TDRD3: variants seen among roughly 807,000 people sequenced by gnomAD.
The protein encoded by TDRD3 is tudor domain-containing protein 3.
In TDRD3, 45 loss-of-function variants were observed where a neutral mutation model predicts 86.7. That is an observed-to-expected ratio of 0.52 (90% CI 0.41 to 0.67). TDRD3 has a LOEUF of 0.67. Among genes scored for constraint, TDRD3 ranks in the 30% least tolerant of loss-of-function variants. The pLI is 0.00. For missense variants in TDRD3, 814 were observed against 889.0 expected, an observed-to-expected ratio of 0.92 and a Z score of 1.07; for synonymous variants, 298 against 301.7, an observed-to-expected ratio of 0.99 and a Z score of 0.13.
intron 12 of TDRD3, among the ~76,000 whole-genome samples, chr13:60,540,397 C>T (rs1957784234): frequency 6.6e-6 from 1 of 152,168 alleles, no homozygotes; most frequent in Non-Finnish European, 1.5e-5. Context: ...TCTTCCTCAT[C>T]TATCACCCAG....
chr13:60,467,535 A>G (rs904335636), intron 5 of TDRD3, among the ~76,000 whole-genome samples, 156 bp downstream of exon 5: 14 of 152,180 alleles, frequency 9.2e-5, no homozygotes, highest in African/African-American at 3.1e-4. Context: ...GTCTAAGTGT[A>G]TTGTTTCTCT....
chr13:60,397,945 G>C (rs1953982295), intron 1 of TDRD3, among the ~76,000 whole-genome samples: 1 of 152,200 alleles, frequency 6.6e-6, no homozygotes, highest in Admixed American at 6.5e-5. Flanking sequence ...AGTACAGTGT[G>C]GACCAGTGTG....
intron 1 of TDRD3, among the ~76,000 whole-genome samples, chr13:60,421,410 A>G (rs1239895877): frequency 6.6e-6 from 1 of 152,204 alleles, no homozygotes; most frequent in Non-Finnish European, 1.5e-5. Context: ...TGATTCAATT[A>G]CTTCCCACTG....
chr13:60,564,396 A>T (rs1595127221), intron 12 of TDRD3, among the ~76,000 whole-genome samples: 3 of 152,320 alleles, frequency 2.0e-5, no homozygotes, highest in Admixed American at 6.5e-5. Context: ...GGTAGATTTT[A>T]AAAGATTTTC....
chr13:60,518,909 A>G (rs953694239), intron 10 of TDRD3, among the ~76,000 whole-genome samples: 4 of 152,190 alleles, frequency 2.6e-5, no homozygotes, highest in Non-Finnish European at 5.9e-5. Flanking sequence ...TTCTAAATTC[A>G]GATGATCCTA....
At chr13:60,485,693 C>A (rs1033369222) in intron 6 of TDRD3, 106 bp from the exon 7 acceptor site, 42 of 875,362 alleles carry the variant, frequency 4.8e-5, no homozygotes, top group Non-Finnish European at 6.1e-5. Context: ...AGGCTTTTAG[C>A]TATTGTAAAA....
chr13:60,520,605 C>T (rs1957267490), intron 10 of TDRD3, among the ~76,000 whole-genome samples: 2 of 152,164 alleles, frequency 1.3e-5, no homozygotes, highest in Non-Finnish European at 2.9e-5. Flanking sequence ...CAGCTTTAAG[C>T]TACATTATTT....
intron 12 of TDRD3, among the ~76,000 whole-genome samples, chr13:60,544,562 T>A (rs9538744): frequency 0.14 from 20,793 of 152,160 alleles, 1,492 homozygotes; most frequent in East Asian, 0.19. Flanking sequence ...AGACCACAAT[T>A]TCTACTTTGT....
chr13:60,457,537 G>A (rs1778957369), intron 3 of TDRD3, among the ~76,000 whole-genome samples: 1 of 152,214 alleles, frequency 6.6e-6, no homozygotes, highest in African/African-American at 2.4e-5. Context: ...AGAGGAAGAT[G>A]AGTGAGGCTG....
chr13:60,505,920 A>C (rs1956926822), intron 8 of TDRD3, among the ~76,000 whole-genome samples: 1 of 152,236 alleles, frequency 6.6e-6, no homozygotes, highest in Admixed American at 6.5e-5. Flanking sequence ...TGTACCTGAA[A>C]GTGACAGGAA....
chr13:60,496,565 A>G (rs887789433), intron 8 of TDRD3, among the ~76,000 whole-genome samples: 16 of 151,854 alleles, frequency 1.1e-4, no homozygotes, highest in African/African-American at 3.6e-4. Context: ...GAGTTATGCA[A>G]AATAAATGCA....
At chr13:60,540,690 A>G (rs1203989668) in intron 12 of TDRD3, among the ~76,000 whole-genome samples, 1 of 152,176 alleles carries the variant, frequency 6.6e-6, no homozygotes, top group Non-Finnish European at 1.5e-5. Context: ...TAAGAAAATA[A>G]TATGCTGTTT....
chr13:60,419,294 A>G (rs1432623634), intron 1 of TDRD3, among the ~76,000 whole-genome samples: 1 of 152,148 alleles, frequency 6.6e-6, no homozygotes, highest in African/African-American at 2.4e-5. Context: ...TATTTTCTTG[A>G]TGGCTAAAGA....
chr13:60,424,636 C>T (rs1382649728), intron 1 of TDRD3, among the ~76,000 whole-genome samples: 1 of 152,128 alleles, frequency 6.6e-6, no homozygotes, highest in East Asian at 1.9e-4. Context: ...GAGATTGTGC[C>T]ACTGTACCCC....
intron 12 of TDRD3, among the ~76,000 whole-genome samples, chr13:60,555,439 G>A (rs1958161646): frequency 6.6e-6 from 1 of 152,082 alleles, no homozygotes; most frequent in Non-Finnish European, 1.5e-5. Flanking sequence ...AAATATTAAT[G>A]TTTACTTTAC....
At chr13:60,455,687 G>A (rs7999859) in intron 3 of TDRD3, among the ~76,000 whole-genome samples, 6,565 of 152,190 alleles carry the variant, frequency 0.043, 252 homozygotes, top group African/African-American at 0.1. Flanking sequence ...TGGGTGTATG[G>A]TTTGTTTCTA....
chr13:60,551,965 C>T (rs575543513), intron 12 of TDRD3, among the ~76,000 whole-genome samples: 49 of 152,222 alleles, frequency 3.2e-4, no homozygotes, highest in Non-Finnish European at 5.3e-4. Flanking sequence ...GTCTCTCCCT[C>T]GACATGTGGG....
chr13:60,396,356 C>T (rs1232649452), upstream of TDRD3: 1 of 152,270 alleles, frequency 6.6e-6, no homozygotes, highest in Non-Finnish European at 1.5e-5. Context: ...TACCCTTCCG[C>T]CTGTTCCTCT....
At chr13:60,441,930 A>G (rs1050281061) in intron 2 of TDRD3, among the ~76,000 whole-genome samples, 2 of 152,182 alleles carry the variant, frequency 1.3e-5, no homozygotes, top group African/African-American at 4.8e-5. Context: ...TCCACCATAA[A>G]TCATATTGTT....
Sources: gnomAD v4.1 joint callset for allele counts (sites outside exome capture counted in the v4.1 genomes callset) on GRCh38, gnomAD v4.1.1 for gene constraint, MANE v1.5 for transcripts, NCBI Gene and HGNC (gene_info 2026-07-23, HGNC 2026-07-21) for gene names.